Variants in ISM1 observed in about 807,000 individuals in gnomAD.
ISM1 encodes the protein isthmin 1, also known as isthmin-1.
A neutral mutation model predicts 46.3 loss-of-function variants in ISM1; 25 were observed. The ratio of observed to expected loss-of-function variants is 0.54; its 90% CI spans 0.39 to 0.75. The LOEUF (loss-of-function observed/expected upper bound fraction) is 0.75, where lower values mean the gene tolerates loss of function less well. Among genes scored for constraint, ISM1 ranks in the 30% least tolerant of loss-of-function variants. The pLI, the probability that ISM1 is intolerant of heterozygous loss-of-function variation, is 0.00. For missense variants in ISM1, 536 were observed against 625.4 expected (o/e 0.86, Z 1.52); for synonymous variants, 255 against 256.7 (o/e 0.99, Z 0.06).
At chr20:13,285,918 C>T (rs1200736646) in intron 3 of ISM1, among the ~76,000 whole-genome samples, 1 of 152,214 alleles carries the variant, frequency 6.6e-6, no homozygotes, top group African/African-American at 2.4e-5. Flanking sequence ...AATGGAGAGG[C>T]CAGGCTGCAT....
chr20:13,306,847 G>A, the ISM1 span, among the ~76,000 whole-genome samples: 1 of 152,152 alleles, frequency 6.6e-6, no homozygotes, highest in Non-Finnish European at 1.5e-5. Context: ...GGTCAAGAAA[G>A]AACGAGGTGT....
chr20:13,281,423 T>C (rs113483753), intron 3 of ISM1, among the ~76,000 whole-genome samples: 1 of 152,214 alleles, frequency 6.6e-6, no homozygotes, highest in Admixed American at 6.5e-5. Context: ...ATAGCCAACA[T>C]TTAAATAGTA....
chr20:13,250,147 A>G (rs2039850904), intron 1 of ISM1, among the ~76,000 whole-genome samples: 1 of 152,220 alleles, frequency 6.6e-6, no homozygotes, highest in Non-Finnish European at 1.5e-5. Flanking sequence ...CCCAGGGTTC[A>G]TGCCATGAAA....
intron 3 of ISM1, among the ~76,000 whole-genome samples, chr20:13,282,362 A>G (rs551064199): frequency 2.6e-5 from 4 of 152,278 alleles, no homozygotes; most frequent in South Asian, 2.1e-4. Flanking sequence ...TCCTTTTTCA[A>G]TCAAGGTCAC....
At chr20:13,254,199 C>T (rs539538173) in intron 1 of ISM1, among the ~76,000 whole-genome samples, 155 of 151,844 alleles carry the variant, frequency 1.0e-3, no homozygotes, top group African/African-American at 3.7e-3. Context: ...CGTCACTGCA[C>T]CCCAGCCTGG....
At chr20:13,302,032 TA>T (rs1399021849), downstream of ISM1, among the ~76,000 whole-genome samples, 21 of 152,258 alleles carry the variant, frequency 1.4e-4, no homozygotes, top group African/African-American at 5.1e-4. Flanking sequence ...AATAGGTAAG[TA>T]CTTGGTGTTT....
chr20:13,292,973 G>C (rs1209915983), intron 5 of ISM1, among the ~76,000 whole-genome samples: 1 of 152,036 alleles, frequency 6.6e-6, no homozygotes, highest in African/African-American at 2.4e-5. Flanking sequence ...GAGGCGGGCA[G>C]ATCACGAGGT....
In ISM1 at chr20:13,266,022, A is replaced by G. The variant is rs565273124; in HGVS notation, c.139-4482A>G. ...CCTCATTTCAGGCAGGACAAAGTGGAAGAGAGAAAGGCAAATGGCAAAACC... is the reference window on the plus strand; with the variant it reads ...CCTCATTTCAGGCAGGACAAAGTGGGAGAGAGAAAGGCAAATGGCAAAACC... On this transcript the variant is annotated intron_variant, in intron 1 of 5. Transcript: ENST00000262487. 7.2e-4 allele frequency among the ~76,000 whole-genome samples: 109 copies of G among 152,292 alleles called. 1 individual carries two copies. The highest frequency in any genetic ancestry group is 2.5e-3 in the African/African-American group (104 of 41,568).
chr20:13,260,007 C>T (rs993580411), intron 1 of ISM1, among the ~76,000 whole-genome samples: 2 of 152,312 alleles, frequency 1.3e-5, no homozygotes, highest in East Asian at 3.9e-4. Flanking sequence ...GAGCTAACAG[C>T]CCAGCTTCCT....
the ISM1 span, among the ~76,000 whole-genome samples, chr20:13,308,031 A>C: frequency 2.0e-5 from 3 of 152,170 alleles, no homozygotes; most frequent in African/African-American, 4.8e-5. Context: ...CACTCCGTTT[A>C]GGAGTGTTTG....
chr20:13,303,702 G>A (rs1221573308), downstream of ISM1, among the ~76,000 whole-genome samples: 1 of 152,234 alleles, frequency 6.6e-6, no homozygotes, highest in East Asian at 1.9e-4. Flanking sequence ...TTGGCATTTA[G>A]TCATTTGCCA....
At chr20:13,307,184 C>T in the ISM1 span, among the ~76,000 whole-genome samples, 1 of 152,210 alleles carries the variant, frequency 6.6e-6, no homozygotes, top group African/African-American at 2.4e-5. Flanking sequence ...TCCAGTCAAC[C>T]TCCCCACAGC....
intron 1 of ISM1, among the ~76,000 whole-genome samples, chr20:13,248,307 A>G (rs907683850): frequency 6.6e-6 from 1 of 152,208 alleles, no homozygotes; most frequent in African/African-American, 2.4e-5. Context: ...CAAAAAGCTG[A>G]GTATGAACTG....
chr20:13,321,969 G>T, the ISM1 span, among the ~76,000 whole-genome samples: 2,344 of 152,122 alleles, frequency 0.015, 54 homozygotes, highest in African/African-American at 0.053. Flanking sequence ...TGATCATAAC[G>T]ATACTGTTGC....
chr20:13,261,077 T>G (rs1014043418), intron 1 of ISM1, among the ~76,000 whole-genome samples: 4 of 152,142 alleles, frequency 2.6e-5, no homozygotes, highest in Non-Finnish European at 5.9e-5. Flanking sequence ...GCACAAGTGC[T>G]TTTCAAGTCT....
chr20:13,296,561 G>T (rs1196455965), intron 5 of ISM1, among the ~76,000 whole-genome samples: 1 of 152,176 alleles, frequency 6.6e-6, no homozygotes, highest in East Asian at 1.9e-4. Context: ...AAAGTGAGAT[G>T]AAAGAGTGGC....
chr20:13,301,391 G>A (rs533580083), downstream of ISM1, among the ~76,000 whole-genome samples: 8 of 152,174 alleles, frequency 5.3e-5, no homozygotes, highest in Non-Finnish European at 1.2e-4. Context: ...GTTTCACCAT[G>A]TTGGCCAGGC....
the ISM1 span, among the ~76,000 whole-genome samples, chr20:13,307,810 A>C: frequency 2.0e-5 from 3 of 152,328 alleles, no homozygotes; most frequent in South Asian, 6.2e-4. Context: ...AATATATCAC[A>C]ATTTTATTTA....
At chr20:13,323,720 A>T in the ISM1 span, among the ~76,000 whole-genome samples, 249 of 152,320 alleles carry the variant, frequency 1.6e-3, 1 homozygote, top group African/African-American at 5.1e-3. Context: ...TACTAAAAGA[A>T]TGTTCTTAAA....
Sources: gnomAD v4.1 joint callset for allele counts (sites outside exome capture counted in the v4.1 genomes callset) on GRCh38, gnomAD v4.1.1 for gene constraint, MANE v1.5 for transcripts, NCBI Gene and HGNC (gene_info 2026-07-23, HGNC 2026-07-21) for gene names.